Variants in RPL4 observed in about 807,000 individuals in gnomAD.
RPL4 encodes ribosomal protein L4.
Under a neutral mutation model 47.7 loss-of-function variants are expected in RPL4, and 3 were observed. That is an observed-to-expected ratio of 0.06 (90% CI 0.03 to 0.16). The LOEUF (loss-of-function observed/expected upper bound fraction) is 0.16. Among genes scored for constraint, RPL4 ranks in the 10% least tolerant of loss-of-function variants. The pLI is 1.00. For synonymous variants in RPL4, 208 were observed against 182.1 expected, an observed-to-expected ratio of 1.14 and a Z score of -1.15; for missense variants, 413 against 551.3, an observed-to-expected ratio of 0.75 and a Z score of 2.51.
chr15:66,499,692 CT>C (rs1893566826), intron 9 of RPL4, 40 bp from the exon 10 acceptor site: 1 of 1,608,882 alleles, frequency 6.2e-7, no homozygotes, highest in Admixed American at 1.7e-5. Context: ...AATCAAATCC[CT>C]GTAAGAACTT....
chr15:66,500,090 A>C lies in RPL4; in HGVS notation c.1004T>G (p.Met335Arg). 3 of 1,612,282 alleles carry C rather than the reference A, an allele frequency of 1.9e-6. No homozygotes were observed. The highest frequency in any genetic ancestry group is 2.5e-6 in the Non-Finnish European group (3 of 1,179,856). ...CTGGCGAAGAATGGTGTTCCGGCGC[A>C]TGGTCTTTGCATATGGGTTTAGCTT... ...MLKLNPYAKT[M>R]RRNTILRQAR... The change falls in exon 9 of 10, where the codon ATG (methionine) becomes AGG (arginine). Residue 335 changes from methionine (M) to arginine (R), a missense_variant. Physicochemically the swap from Met to Arg is moderately conservative, Grantham distance 91. Coordinates refer to ENST00000307961, the MANE Select transcript of RPL4 (RefSeq NM_000968.4).
Position 66,502,842 on chromosome 15 carries a change from T to C in RPL4, c.283-92A>G. On this transcript the variant is annotated intron_variant, in intron 3 of 9. Transcript: ENST00000307961. ...AGTAAGAATTTTCGTCAACCTTCTGTACCAGCTTACTGACAGCAGGCAACT... is the reference window on the plus strand; with the variant it reads ...AGTAAGAATTTTCGTCAACCTTCTGCACCAGCTTACTGACAGCAGGCAACT... 3.2e-6 allele frequency: 5 copies of C among 1,580,116 alleles called. No homozygotes were observed. The South Asian group carries it at 5.6e-5, about 18-fold the overall frequency.
chr15:66,503,424 C>T lies in RPL4; in HGVS notation c.109G>A (p.Val37Met), dbSNP rs1463237065. The T allele has an allele frequency of 1.4e-5, 22 of 1,612,394 alleles. No individual in the cohort carries two copies. Among genetic ancestry groups the T allele is most frequent in the Non-Finnish European group, 1.8e-5 (21 of 1,178,608 alleles). The change falls in exon 2 of 10, where the codon GTG becomes ATG. Residue 37 changes from valine (V) to methionine (M), a missense_variant. Physicochemically the swap from Val to Met is conservative, Grantham distance 21. This residue lies in a region of RPL4 where 56 missense variants were observed against 70.6 expected (regional missense o/e 0.79). Coordinates refer to ENST00000307961, the MANE Select transcript of RPL4 (RefSeq NM_000968.4). ...VFKAPIRPDIVNFVHTNLRKN... is the reference protein window; with the variant it reads ...VFKAPIRPDIMNFVHTNLRKN... ...CGCAAGTTGGTGTGAACAAAGTTCA[C>T]AATATCTGGTCGAATAGGAGCCTTG...
At position 66,501,447 on chromosome 15, in the gene RPL4, T is replaced by C; in HGVS notation, c.604A>G (p.Ile202Val). 1 of 1,614,206 alleles carries C rather than the reference T, an allele frequency of 6.2e-7. No homozygotes were observed. Among genetic ancestry groups the C allele is most frequent in the Non-Finnish European group, 8.5e-7 (1 of 1,180,048 alleles). Residue 202 changes from isoleucine (I) to valine (V), a missense_variant, in exon 6 of 10, where the codon ATC (isoleucine) becomes GTC (valine). Ile to Val is a conservative substitution (Grantham distance 29). Transcript: ENST00000307961. ...GKGKMRNRRR[I>V]QRRGPCIIYN... ...ATGATGCACGGGCCCCTGCGCTGGA[T>C]ACGGCGACGGTTTCTCATTTTGCCT...
At chr15:66,500,807 A>G in intron 7 of RPL4, 142 bp downstream of exon 7, 1 of 1,002,946 alleles carries the variant, frequency 1.0e-6, no homozygotes. Context: ...AACCAAAAAT[A>G]TAGACCAGGT....
At position 66,500,139 on chromosome 15, in the gene RPL4, G is replaced by A. The variant is rs749508156; in HGVS notation, c.955C>T (p.Leu319=). 2.5e-6 allele frequency: 4 copies of A among 1,613,394 alleles called. No individual in the cohort carries two copies. The Admixed American group carries it at 6.7e-5, about 27-fold the overall frequency. The change falls in exon 9 of 10, where the codon CTG becomes TTG. Residue 319 remains leucine, a synonymous_variant. Transcript: ENST00000307961. ...IHRRVLKKNP[L]KNLRIMLKLN... ...TTCAACATGATTCTCAAGTTTTTCA[G>A]TGGGTTCTTCTTTAGGACTCTGCGA...
At chr15:66,502,896 T>G (rs770868402) in intron 3 of RPL4, 146 bp from the exon 4 acceptor site, 2 of 1,361,138 alleles carry the variant, frequency 1.5e-6, no homozygotes, top group South Asian at 1.2e-5. Flanking sequence ...AGACGCAAAT[T>G]ACGACATCAT....
rs142487012 is a variant in RPL4 at position 66,503,517 on chromosome 15, G to C, written c.16C>G (p.Pro6Ala). The change falls in exon 2 of 10, where the codon CCA becomes GCA. Residue 6 changes from proline (P) to alanine (A), a missense_variant. This residue lies in a region of RPL4 where 56 missense variants were observed against 70.6 expected (regional missense o/e 0.79). Coordinates refer to ENST00000307961, the MANE Select transcript of RPL4 (RefSeq NM_000968.4). ...TTTTCGGAGTACACCGATATCAGTGGGCGAGCACACGCCTAAAGAAAAAGA... is the reference window on the plus strand; with the variant it reads ...TTTTCGGAGTACACCGATATCAGTGCGCGAGCACACGCCTAAAGAAAAAGA... Reference protein sequence around the residue: MACARPLISVYSEKGE... With the variant: MACARALISVYSEKGE... The C allele has an allele frequency of 1.3e-6, 2 of 1,598,758 alleles. No individual in the cohort carries two copies. The highest frequency in any genetic ancestry group is 1.7e-6 in the Non-Finnish European group (2 of 1,168,978).
At position 66,499,486 on chromosome 15, in the gene RPL4, G is replaced by A. The variant is rs1194566943; in HGVS notation, c.1205C>T (p.Ala402Val). Residue 402 changes from alanine (A) to valine (V), a missense_variant, in exon 10 of 10, where the codon GCA becomes GTA. By Grantham distance (64) the Ala-to-Val change is moderately conservative. Transcript: ENST00000307961. ...QKKPLVGKKA[A>V]ATKKPAPEKK... ...TTCAGGGGCTGGTTTCTTGGTAGCTGCTGCCTTTTTTCCCACCAGAGGCTT... is the reference window on the plus strand; with the variant it reads ...TTCAGGGGCTGGTTTCTTGGTAGCTACTGCCTTTTTTCCCACCAGAGGCTT... The A allele has an allele frequency of 2.5e-6, 4 of 1,611,876 alleles. No individual in the cohort carries two copies. Among genetic ancestry groups the A allele is most frequent in the Non-Finnish European group, 3.4e-6 (4 of 1,179,834 alleles).
chr15:66,502,061 G>A (rs376961183), intron 4 of RPL4, 149 bp from the exon 5 acceptor site: 42 of 1,034,434 alleles, frequency 4.1e-5, no homozygotes, highest in African/African-American at 1.6e-4. Flanking sequence ...TCAGAAACAC[G>A]GACCAATTAA....
In RPL4 at chr15:66,499,423, T is replaced by C. The variant is rs1232816446; in HGVS notation, c.1268A>G (p.Lys423Arg). Reference sequence around the variant, plus strand: ...TTTAAGAGTTTATGCAGCAGGCTTCTTCTCCTCTGTAGTAGGTTTCTTCTC... The same window carrying C: ...TTTAAGAGTTTATGCAGCAGGCTTCCTCTCCTCTGTAGTAGGTTTCTTCTC... ...PAEKKPTTEE[K>R]KPAA The change falls in exon 10 of 10, where the codon AAG (lysine) becomes AGG (arginine). Residue 423 changes from lysine (K) to arginine (R), a missense_variant. This residue lies in a region of RPL4 where 134 missense variants were observed against 122.7 expected (regional missense o/e 1.09). Coordinates refer to ENST00000307961, the MANE Select transcript of RPL4 (RefSeq NM_000968.4). 8.7e-6 allele frequency: 14 copies of C among 1,608,152 alleles called. No individual in the cohort carries two copies. Among genetic ancestry groups the C allele is most frequent in the African/African-American group, 1.3e-5 (1 of 74,372 alleles).
intron 7 of RPL4, 97 bp downstream of exon 7, chr15:66,500,852 G>C (rs1893596298): frequency 3.5e-6 from 5 of 1,430,950 alleles, no homozygotes; most frequent in Non-Finnish European, 4.8e-6. Flanking sequence ...CTGCACATAA[G>C]GGGAAATGGG....
rs1166035562 is a variant in RPL4, at chr15:66,499,483, G to C, written c.1208C>G (p.Ala403Gly). 1 of 1,611,950 alleles carries C rather than the reference G, an allele frequency of 6.2e-7. No homozygotes were observed. The highest frequency in any genetic ancestry group is 1.3e-5 in the African/African-American group (1 of 74,940). Reference sequence around the variant, plus strand: ...CTTTTCAGGGGCTGGTTTCTTGGTAGCTGCTGCCTTTTTTCCCACCAGAGG... The same window carrying C: ...CTTTTCAGGGGCTGGTTTCTTGGTACCTGCTGCCTTTTTTCCCACCAGAGG... ...KKPLVGKKAAATKKPAPEKKP... is the reference protein window; with the variant it reads ...KKPLVGKKAAGTKKPAPEKKP... The change falls in exon 10 of 10, where the codon GCT (alanine) becomes GGT (glycine). Residue 403 changes from alanine to glycine, a missense_variant. Around this residue, in one of 4 missense-constraint regions of RPL4, gnomAD observed 134 missense variants for 122.7 expected, o/e 1.09. Transcript: ENST00000307961.
At position 66,504,797 on chromosome 15, in the gene RPL4, G is replaced by C. The variant is rs543721979; in HGVS notation, c.-7C>G. The C allele has an allele frequency of 2.5e-6, 4 of 1,611,820 alleles. No homozygotes were observed. Among genetic ancestry groups the C allele is most frequent in the African/African-American group, 1.3e-5 (1 of 74,826 alleles). On this transcript the variant is annotated 5_prime_UTR_variant, in exon 1 of 10. Transcript: ENST00000307961. Reference sequence around the variant, plus strand: ...GAGAACTTCCACTCACCATGGCGGAGAGAGGAGACAGCCACGCTCCTCTCA... The same window carrying C: ...GAGAACTTCCACTCACCATGGCGGACAGAGGAGACAGCCACGCTCCTCTCA...
chr15:66,504,847 G>A lies in RPL4; in HGVS notation c.-57C>T, dbSNP rs1334357450. 9.4e-6 allele frequency: 15 copies of A among 1,603,384 alleles called. No homozygotes were observed. Among genetic ancestry groups the A allele is most frequent in the East Asian group, 4.5e-5 (2 of 44,744 alleles). Reference sequence around the variant, plus strand: ...AGCCCGGCTGCTGCCACAGGAAAAGGAAGTGCTTACCACTCCCGCTGTATA... The same window carrying A: ...AGCCCGGCTGCTGCCACAGGAAAAGAAAGTGCTTACCACTCCCGCTGTATA... On this transcript the variant is annotated 5_prime_UTR_variant, in exon 1 of 10. Transcript: ENST00000307961.
intron 4 of RPL4, chr15:66,502,303 G>A (rs1471118766): frequency 7.8e-6 from 3 of 386,200 alleles, no homozygotes; most frequent in African/African-American, 6.2e-5. Flanking sequence ...TTTTAACAAA[G>A]GTTCACGTGA....
At chr15:66,504,424 C>T (rs1312829169) in intron 1 of RPL4, among the ~76,000 whole-genome samples, 1 of 152,174 alleles carries the variant, frequency 6.6e-6, no homozygotes. Context: ...TAACACCGAA[C>T]AATTTTTAGG....
chr15:66,500,137 C>T lies in RPL4; in HGVS notation c.957G>A (p.Leu319=). The T allele has an allele frequency of 6.2e-7, 1 of 1,613,484 alleles. No homozygotes were observed. The change falls in exon 9 of 10, where the codon CTG becomes CTA. Residue 319 remains leucine, a synonymous_variant. Coordinates refer to ENST00000307961, the MANE Select transcript of RPL4 (RefSeq NM_000968.4). Reference sequence around the variant, plus strand: ...GCTTCAACATGATTCTCAAGTTTTTCAGTGGGTTCTTCTTTAGGACTCTGC... The same window carrying T: ...GCTTCAACATGATTCTCAAGTTTTTTAGTGGGTTCTTCTTTAGGACTCTGC... The part of the protein sequence containing the change: ...IHRRVLKKNP[L]KNLRIMLKLN...
At chr15:66,501,180 G>A in intron 6 of RPL4, 75 bp from the exon 7 acceptor site, 2 of 1,583,432 alleles carry the variant, frequency 1.3e-6, no homozygotes, top group Non-Finnish European at 1.7e-6. Flanking sequence ...TGGCTTAAGA[G>A]CTATAAAAGG....
Sources: allele counts gnomAD v4.1 joint callset (sites outside exome capture counted in the v4.1 genomes callset), GRCh38; gene constraint gnomAD v4.1.1; regional missense constraint gnomAD v4.1.1; transcripts MANE v1.5; gene names NCBI Gene and HGNC (gene_info 2026-07-23, HGNC 2026-07-21).